The following CADPS variants were observed in gnomAD, a reference collection of about 807,000 sequenced individuals.
CADPS encodes the protein calcium-dependent secretion activator 1.
A neutral mutation model predicts 167.3 loss-of-function variants in CADPS; 57 were observed. The observed-to-expected ratio is 0.34, with a 90% CI of 0.28 to 0.42. The LOEUF (loss-of-function observed/expected upper bound fraction) is 0.42, where lower values mean the gene tolerates loss of function less well. Ranked by LOEUF, CADPS falls within the 20% of genes least tolerant of loss-of-function variation. The pLI is 1.00. For missense variants in CADPS, 1,414 were observed against 1,738.1 expected (o/e 0.81, Z 3.32); for synonymous variants, 676 against 635.3 (o/e 1.06, Z -0.96).
chr3:62,564,051 G>C (rs1265730167), intron 9 of CADPS, among the ~76,000 whole-genome samples: 1 of 152,076 alleles, frequency 6.6e-6, no homozygotes, highest in African/African-American at 2.4e-5. Flanking sequence ...ACCCAGGCTG[G>C]AGTGCAGTGG....
At chr3:62,867,696 A>G (rs2081958031) in intron 1 of CADPS, among the ~76,000 whole-genome samples, 2 of 152,084 alleles carry the variant, frequency 1.3e-5, no homozygotes, top group African/African-American at 4.8e-5. Flanking sequence ...AGTACTTCAT[A>G]TATATTAACT....
intron 3 of CADPS, among the ~76,000 whole-genome samples, chr3:62,681,872 T>C (rs772392797): frequency 1.8e-4 from 27 of 151,950 alleles, no homozygotes; most frequent in Non-Finnish European, 3.5e-4. Flanking sequence ...TAGGGGAAAA[T>C]AAAGGGTGCT....
chr3:62,635,205 G>T (rs931529279), intron 6 of CADPS, among the ~76,000 whole-genome samples: 1 of 152,140 alleles, frequency 6.6e-6, no homozygotes, highest in Non-Finnish European at 1.5e-5. Flanking sequence ...ACCTAATTCT[G>T]CTCTTGGGGT....
intron 3 of CADPS, among the ~76,000 whole-genome samples, chr3:62,733,537 C>T (rs2078362989): frequency 6.6e-6 from 1 of 152,142 alleles, no homozygotes; most frequent in Non-Finnish European, 1.5e-5. Context: ...ATATTACATT[C>T]AAACTTCAAA....
chr3:62,596,177 A>G (rs1479432047), intron 6 of CADPS, among the ~76,000 whole-genome samples: 2 of 146,082 alleles, frequency 1.4e-5, no homozygotes, highest in Middle Eastern at 3.2e-3. Context: ...GGAGAACCCT[A>G]ATACAATGGG....
In CADPS at chr3:62,874,297, G is replaced by C. The variant is rs531405802; in HGVS notation, c.441+292C>G. The stretch of plus-strand genomic sequence containing the variant: ...CCCCGAGCCTCTCGGTCCACAAAGC[G>C]GGACCTGCCTGCCTCGCTCACCAAC... On this transcript the variant is annotated intron_variant, in intron 1 of 29. Transcript: ENST00000383710. This position sits in a 1 kb window ranked among gnomAD's most constrained non-coding sequence, Gnocchi z 7.1. Among the ~76,000 whole-genome samples the C allele has an allele frequency of 1.4e-3, 207 of 152,290 alleles. 1 individual carries two copies. The highest frequency in any genetic ancestry group is 2.7e-3 in the South Asian group (13 of 4,828).
chr3:62,498,237 G>A (rs1035674375), intron 18 of CADPS: 9 of 455,366 alleles, frequency 2.0e-5, no homozygotes, highest in East Asian at 7.0e-5. Flanking sequence ...TAGTCGGGAC[G>A]GCTGGATTTA....
At chr3:62,695,977 G>T (rs961949235) in intron 3 of CADPS, among the ~76,000 whole-genome samples, 1 of 151,940 alleles carries the variant, frequency 6.6e-6, no homozygotes, top group Non-Finnish European at 1.5e-5. Context: ...ACGTATACAC[G>T]TTAAATAAAT....
intron 9 of CADPS, among the ~76,000 whole-genome samples, chr3:62,564,049 T>C (rs1028095760): frequency 7.2e-5 from 11 of 152,172 alleles, no homozygotes; most frequent in Non-Finnish European, 1.3e-4. Context: ...TCACCCAGGC[T>C]GGAGTGCAGT....
intron 1 of CADPS, among the ~76,000 whole-genome samples, chr3:62,861,172 A>T (rs1242908534): frequency 8.5e-5 from 13 of 152,174 alleles, no homozygotes. Flanking sequence ...AATCACATGT[A>T]CATTTTCTGA....
Position 62,642,556 on chromosome 3 carries a change from C to A in CADPS, c.1325+3166G>T, listed in dbSNP as rs2067635454. 2.0e-5 allele frequency among the ~76,000 whole-genome samples: 3 copies of A among 152,090 alleles called. No individual in the cohort carries two copies. In the South Asian group the frequency reaches 6.2e-4, roughly 32 times the overall value. ...GAAGAGGCTTCTGAGTAAGTTAAAACTAGGGAGGCAGGAAGAAAATGGAAC... is the reference window on the plus strand; with the variant it reads ...GAAGAGGCTTCTGAGTAAGTTAAAAATAGGGAGGCAGGAAGAAAATGGAAC... On this transcript the variant is annotated intron_variant, in intron 6 of 29. Transcript: ENST00000383710.
At chr3:62,607,801 C>T (rs1007824959) in intron 6 of CADPS, among the ~76,000 whole-genome samples, 2 of 152,198 alleles carry the variant, frequency 1.3e-5, no homozygotes, top group African/African-American at 4.8e-5. Context: ...TCTCTTTCCC[C>T]AGGGACTGGC....
At chr3:62,574,192 C>T (rs1222074145) in intron 8 of CADPS, among the ~76,000 whole-genome samples, 2 of 152,152 alleles carry the variant, frequency 1.3e-5, no homozygotes, top group Admixed American at 1.3e-4. Context: ...TCTCTATGCT[C>T]CATTCATCCC....
intron 10 of CADPS, among the ~76,000 whole-genome samples, chr3:62,555,391 T>C (rs1272441107): frequency 1.3e-5 from 2 of 152,222 alleles, no homozygotes; most frequent in Non-Finnish European, 2.9e-5. Flanking sequence ...AATTTTGCTT[T>C]CATCTGATAA....
chr3:62,793,760 CACGTGCGTGTGTGT>C (rs1259513075), intron 1 of CADPS, among the ~76,000 whole-genome samples: 2 of 152,160 alleles, frequency 1.3e-5, no homozygotes, highest in Non-Finnish European at 2.9e-5. Flanking sequence ...TGTGTGTGCG[CACGTGCGTGTGTGT>C]ACGTGCGTGC....
At chr3:62,548,102 A>AT (rs2076786083) in intron 11 of CADPS, among the ~76,000 whole-genome samples, 1 of 152,074 alleles carries the variant, frequency 6.6e-6, no homozygotes, top group Non-Finnish European at 1.5e-5. Flanking sequence ...TATAGTTAGA[A>AT]TTTTTTTCTG....
intron 10 of CADPS, among the ~76,000 whole-genome samples, chr3:62,554,379 G>C (rs1055362124): frequency 6.6e-6 from 1 of 152,168 alleles, no homozygotes; most frequent in Non-Finnish European, 1.5e-5. Context: ...TTGTAGGCTG[G>C]TACTAAGGCA....
intron 11 of CADPS, among the ~76,000 whole-genome samples, chr3:62,545,739 A>T (rs939988240): frequency 1.2e-4 from 18 of 152,190 alleles, no homozygotes; most frequent in African/African-American, 4.3e-4. Context: ...GAATTTAGAA[A>T]GACCCAAATA....
intron 3 of CADPS, among the ~76,000 whole-genome samples, chr3:62,667,095 C>A (rs2074587407): frequency 7.5e-6 from 1 of 132,556 alleles, no homozygotes; most frequent in South Asian, 2.6e-4. Flanking sequence ...GCAATCGAAT[C>A]TTTCTGAACC....
Sources: gnomAD v4.1 joint callset for allele counts (sites outside exome capture counted in the v4.1 genomes callset) on GRCh38, gnomAD v4.1.1 for gene constraint, Gnocchi (gnomAD v3.1) non-coding constraint, MANE v1.5 for transcripts, NCBI Gene and HGNC (gene_info 2026-07-23, HGNC 2026-07-21) for gene names.